Variants in ADAMTSL3 observed in about 807,000 individuals in gnomAD.
ADAMTSL3 encodes ADAMTS like 3, also known as ADAMTS-like protein 3.
Under a neutral mutation model 201.7 loss-of-function variants are expected in ADAMTSL3, and 128 were observed. The ratio of observed to expected loss-of-function variants is 0.63; its 90% CI spans 0.55 to 0.73. The LOEUF is 0.73. Ranked by LOEUF, ADAMTSL3 falls within the 30% of genes least tolerant of loss-of-function variation. The pLI is 0.00. For synonymous variants in ADAMTSL3, 738 were observed against 748.4 expected, an observed-to-expected ratio of 0.99 and a Z score of 0.23; for missense variants, 1,990 against 2,119.6, an observed-to-expected ratio of 0.94 and a Z score of 1.20.
intron 23 of ADAMTSL3, among the ~76,000 whole-genome samples, chr15:83,996,724 T>C (rs894968052): frequency 7.8e-6 from 1 of 127,846 alleles, no homozygotes; most frequent in South Asian, 2.3e-4. Context: ...GAGGTTGCAG[T>C]GAGCAGAGAT....
At chr15:83,875,660 G>A (rs1427727128) in intron 9 of ADAMTSL3, among the ~76,000 whole-genome samples, 1 of 152,164 alleles carries the variant, frequency 6.6e-6, no homozygotes, top group Non-Finnish European at 1.5e-5. Context: ...GCACGCGCCT[G>A]TAATCCCAGC....
intron 3 of ADAMTSL3, among the ~76,000 whole-genome samples, chr15:83,744,420 G>C (rs916010840): frequency 2.0e-4 from 30 of 152,152 alleles, no homozygotes; most frequent in Middle Eastern, 3.4e-3. Context: ...TTGCCATATG[G>C]ACACTCAAGT....
chr15:83,681,387 A>C (rs549319085), intron 2 of ADAMTSL3, among the ~76,000 whole-genome samples: 5 of 152,350 alleles, frequency 3.3e-5, no homozygotes, highest in African/African-American at 9.6e-5. Flanking sequence ...GACATACTTA[A>C]CTTCAAAGGG....
chr15:84,017,248 GCTGGGA>G (rs2068103164), intron 25 of ADAMTSL3, among the ~76,000 whole-genome samples: 2 of 152,088 alleles, frequency 1.3e-5, no homozygotes. Context: ...CTCCCAAGTA[GCTGGGA>G]CTACAGCCAC....
At position 83,685,963 on chromosome 15, in the gene ADAMTSL3, G is replaced by A. The variant is rs541597384; in HGVS notation, c.70-18426G>A. Among the ~76,000 whole-genome samples, 45 of 152,156 alleles carry A rather than the reference G, an allele frequency of 3.0e-4. No individual in the cohort carries two copies. In the Middle Eastern group the frequency reaches 0.01, roughly 35 times the overall value. On this transcript the variant is annotated intron_variant, in intron 2 of 29. Transcript: ENST00000286744. The stretch of plus-strand genomic sequence containing the variant: ...TTCCCCCGGTACGTAGAGAAACCCC[G>A]CAATGGGCTCTTTCCAGCCTCTTGC...
intron 4 of ADAMTSL3, among the ~76,000 whole-genome samples, chr15:83,802,274 T>C (rs1567154578): frequency 1.3e-5 from 2 of 152,158 alleles, no homozygotes; most frequent in Non-Finnish European, 2.9e-5. Flanking sequence ...ATTGTAAGTA[T>C]GGACAAAAAT....
chr15:84,000,378 T>G (rs1033099581), intron 23 of ADAMTSL3, among the ~76,000 whole-genome samples: 1 of 152,146 alleles, frequency 6.6e-6, no homozygotes, highest in Non-Finnish European at 1.5e-5. Context: ...CCCCTTCCCC[T>G]TTTTTCCTTC....
At chr15:83,925,238 G>C (rs139578288) in intron 17 of ADAMTSL3, among the ~76,000 whole-genome samples, 2,553 of 152,256 alleles carry the variant, frequency 0.017, 46 homozygotes, top group Non-Finnish European at 0.024. Context: ...CACAGTCTCA[G>C]GAGGAGGCCA....
chr15:83,755,491 C>G (rs1318761478), intron 3 of ADAMTSL3, among the ~76,000 whole-genome samples: 1 of 152,186 alleles, frequency 6.6e-6, no homozygotes, highest in Non-Finnish European at 1.5e-5. Context: ...ACCCTAGGCA[C>G]TTCATAAGTG....
At chr15:83,837,067 TACAC>T (rs1035718753) in intron 6 of ADAMTSL3, among the ~76,000 whole-genome samples, 2 of 152,070 alleles carry the variant, frequency 1.3e-5, no homozygotes, top group Non-Finnish European at 2.9e-5. Flanking sequence ...ATATAGCAAA[TACAC>T]ACACATATGT....
chr15:83,902,317 C>G (rs1199326389), intron 15 of ADAMTSL3, among the ~76,000 whole-genome samples: 1 of 152,168 alleles, frequency 6.6e-6, no homozygotes, highest in African/African-American at 2.4e-5. Context: ...GTTGCCCAGG[C>G]TGGAGTGCAG....
chr15:83,811,123 T>C (rs2063688444), intron 5 of ADAMTSL3, among the ~76,000 whole-genome samples: 1 of 152,152 alleles, frequency 6.6e-6, no homozygotes, highest in Non-Finnish European at 1.5e-5. Context: ...AATTTCTCCG[T>C]CTCGAGGTCT....
intron 3 of ADAMTSL3, among the ~76,000 whole-genome samples, chr15:83,716,231 G>A (rs192212575): frequency 2.0e-5 from 3 of 152,236 alleles, no homozygotes; most frequent in Admixed American, 6.5e-5. Context: ...GGCCGGGCAC[G>A]GTAGCTCATG....
intron 23 of ADAMTSL3, among the ~76,000 whole-genome samples, chr15:84,001,891 G>T (rs116640037): frequency 1.4e-3 from 214 of 152,340 alleles, no homozygotes; most frequent in African/African-American, 5.0e-3. Flanking sequence ...CACTGCAGCA[G>T]TGGGAAAGAA....
chr15:83,770,671 A>G lies in ADAMTSL3; in HGVS notation c.190-2852A>G, dbSNP rs140701879. On this transcript the variant is annotated intron_variant, in intron 3 of 29. Transcript: ENST00000286744. Reference sequence around the variant, plus strand: ...ATATCCAAGATTAATCTATTAATCTATAATATTTCTAATATTTTATGGTTT... The same window carrying G: ...ATATCCAAGATTAATCTATTAATCTGTAATATTTCTAATATTTTATGGTTT... 1.1e-3 allele frequency among the ~76,000 whole-genome samples: 161 copies of G among 152,338 alleles called. 1 individual carries two copies. Among genetic ancestry groups the G allele is most frequent in the African/African-American group, 3.8e-3 (156 of 41,572 alleles).
At chr15:84,021,795 C>T (rs887841637) in intron 26 of ADAMTSL3, among the ~76,000 whole-genome samples, 2 of 152,148 alleles carry the variant, frequency 1.3e-5, no homozygotes, top group African/African-American at 4.8e-5. Flanking sequence ...GATGGGGAAA[C>T]TCCCCTAGGC....
chr15:83,755,835 C>T (rs1289548880), intron 3 of ADAMTSL3, among the ~76,000 whole-genome samples: 1 of 151,930 alleles, frequency 6.6e-6, no homozygotes, highest in African/African-American at 2.4e-5. Context: ...CTCACTACAA[C>T]TTCCACCTTC....
intron 6 of ADAMTSL3, among the ~76,000 whole-genome samples, chr15:83,823,906 TC>T (rs1460349688): frequency 5.6e-5 from 2 of 35,688 alleles, no homozygotes; most frequent in Non-Finnish European, 7.6e-5. Context: ...TTCTTCTTCT[TC>T]TTCTTCTTCT....
intron 3 of ADAMTSL3, among the ~76,000 whole-genome samples, chr15:83,756,601 C>CG (rs2062723760): frequency 1.1e-5 from 1 of 91,642 alleles, no homozygotes; most frequent in Non-Finnish European, 2.9e-5. Context: ...TCACCCCTGC[C>CG]CCCCCCCCAA....
Sources: gnomAD v4.1 joint callset for allele counts (sites outside exome capture counted in the v4.1 genomes callset) on GRCh38, gnomAD v4.1.1 for gene constraint, MANE v1.5 for transcripts, NCBI Gene and HGNC (gene_info 2026-07-23, HGNC 2026-07-21) for gene names.